The following RBFOX1 variants were observed in gnomAD, a reference collection of about 807,000 sequenced individuals.
RBFOX1 encodes the protein RNA binding fox-1 homolog 1, also known as RNA binding protein fox-1 homolog 1.
In RBFOX1, 8 loss-of-function variants were observed where a neutral mutation model predicts 57.7. The observed-to-expected ratio is 0.14, with a 90% confidence interval of 0.08 to 0.25. The LOEUF is 0.25. Ranked by LOEUF, RBFOX1 falls within the 10% of genes least tolerant of loss-of-function variation. The probability of loss-of-function intolerance (pLI) is 1.00; values close to 1 mark genes in which losing one functional copy is unlikely to be tolerated. For synonymous variants in RBFOX1, 326 were observed against 222.4 expected, an observed-to-expected ratio of 1.47 and a Z score of -4.15; for missense variants, 611 against 548.5, an observed-to-expected ratio of 1.11 and a Z score of -1.14.
intron 2 of RBFOX1, among the ~76,000 whole-genome samples, chr16:6,329,544 G>A (rs370554002): frequency 1.4e-4 from 22 of 152,182 alleles, no homozygotes; most frequent in East Asian, 1.2e-3. Context: ...TAGTGACAAA[G>A]GCGATTGTCT....
chr16:6,528,752 C>A (rs1194490071), intron 2 of RBFOX1, among the ~76,000 whole-genome samples: 3 of 152,118 alleles, frequency 2.0e-5, no homozygotes, highest in East Asian at 1.9e-4. Context: ...GGGAGCTGTC[C>A]TGTACACTCT....
At chr16:6,158,651 T>C (rs2096855614) in intron 1 of RBFOX1, among the ~76,000 whole-genome samples, 2 of 152,212 alleles carry the variant, frequency 1.3e-5, no homozygotes, top group Admixed American at 1.3e-4. Context: ...GCATTGCGGA[T>C]GACAGAGAAA....
At chr16:5,263,579 C>A (rs577431543) in intron 1 of RBFOX1, among the ~76,000 whole-genome samples, 2 of 152,068 alleles carry the variant, frequency 1.3e-5, no homozygotes, top group East Asian at 1.9e-4. Context: ...CATGGGAGTT[C>A]CAAGGGAATG....
chr16:5,662,536 C>G (rs781624782), intron 3 of RBFOX1, among the ~76,000 whole-genome samples: 1 of 152,022 alleles, frequency 6.6e-6, no homozygotes, highest in Non-Finnish European at 1.5e-5. Flanking sequence ...GTAGATCTCC[C>G]TGAAAGAGTT....
At chr16:5,564,422 C>T (rs535637228) in intron 2 of RBFOX1, among the ~76,000 whole-genome samples, 37 of 152,266 alleles carry the variant, frequency 2.4e-4, no homozygotes, top group African/African-American at 7.9e-4. Flanking sequence ...TGAATTTGTC[C>T]TTCTACCGTC....
At chr16:6,952,462 C>A (rs963655264) in intron 3 of RBFOX1, among the ~76,000 whole-genome samples, 1 of 152,032 alleles carries the variant, frequency 6.6e-6, no homozygotes, top group African/African-American at 2.4e-5. Context: ...GCCTGGGCCA[C>A]GTATTAAGAC....
At chr16:6,528,497 C>G (rs977897359) in intron 2 of RBFOX1, among the ~76,000 whole-genome samples, 5 of 152,218 alleles carry the variant, frequency 3.3e-5, no homozygotes, top group Non-Finnish European at 7.3e-5. Context: ...GCAACAGGAG[C>G]AAATGGTGAA....
Position 6,070,089 on chromosome 16 carries a change from A to C in RBFOX1, c.-127+50097A>C, listed in dbSNP as rs2095817479. On this transcript the variant is annotated intron_variant, in intron 1 of 15. Transcript: ENST00000550418. ...ATAGAATGGTTTTGTTTTTCTTTAA[A>C]TTCTATTGTTTTAGAAAACTATACA... Among the ~76,000 whole-genome samples the C allele has an allele frequency of 2.0e-5, 3 of 152,332 alleles. No individual in the cohort carries two copies. The South Asian group carries it at 6.2e-4, about 32-fold the overall frequency.
chr16:5,765,007 A>G lies in RBFOX1; in HGVS notation c.319-102296A>G, dbSNP rs558924343. Among the ~76,000 whole-genome samples the G allele has an allele frequency of 2.0e-5, 3 of 152,274 alleles. No homozygotes were observed. In the South Asian group the frequency reaches 6.2e-4, roughly 32 times the overall value. On this transcript the variant is annotated intron_variant, in intron 3 of 19. Transcript: ENST00000641259. ...CTGCAGGTGCTAGACCAAGTCTCGC[A>G]GGGTACCTGATACTGTGTTTTATGA...
chr16:6,688,507 G>A lies in RBFOX1; in HGVS notation c.-16+33857G>A, dbSNP rs144545686. On this transcript the variant is annotated intron_variant, in intron 3 of 15. Coordinates refer to ENST00000550418, the MANE Select transcript of RBFOX1 (RefSeq NM_018723.4). Reference sequence around the variant, plus strand: ...TTTTCATTTTCTCCATATAAGAAGTGAGGAGAGAGAGGTTGAGCAAAGTAA... The same window carrying A: ...TTTTCATTTTCTCCATATAAGAAGTAAGGAGAGAGAGGTTGAGCAAAGTAA... Among the ~76,000 whole-genome samples the A allele has an allele frequency of 6.0e-3, 913 of 152,272 alleles. 13 individuals are homozygous for A. The highest frequency in any genetic ancestry group is 0.021 in the African/African-American group (877 of 41,548).
At chr16:6,959,274 G>T (rs117723630) in intron 3 of RBFOX1, among the ~76,000 whole-genome samples, 4,273 of 152,248 alleles carry the variant, frequency 0.028, 87 homozygotes, top group Non-Finnish European at 0.037. Context: ...CCATGTTTAT[G>T]TGGAGGGAGC....
At chr16:7,461,148 T>C (rs61080656) in intron 4 of RBFOX1, among the ~76,000 whole-genome samples, 7,646 of 152,022 alleles carry the variant, frequency 0.05, 635 homozygotes, top group African/African-American at 0.18. Context: ...AAGAATTGAC[T>C]GAGGATGAAA....
At chr16:5,840,320 G>C (rs140698383) in intron 3 of RBFOX1, among the ~76,000 whole-genome samples, 153 of 152,292 alleles carry the variant, frequency 1.0e-3, no homozygotes, top group African/African-American at 3.5e-3. Context: ...GAATCACACA[G>C]CTCTTCTGAA....
At chr16:7,412,378 G>A (rs1315528927) in intron 4 of RBFOX1, among the ~76,000 whole-genome samples, 5 of 144,536 alleles carry the variant, frequency 3.5e-5, no homozygotes, top group African/African-American at 1.3e-4. Flanking sequence ...TCGCACCAGT[G>A]CACTCCAGGC....
chr16:5,508,121 T>C (rs1281193097), intron 2 of RBFOX1, among the ~76,000 whole-genome samples: 1 of 152,182 alleles, frequency 6.6e-6, no homozygotes, highest in East Asian at 1.9e-4. Context: ...GTATGCAAAC[T>C]TGGCAGCCTA....
chr16:7,210,033 A>T (rs369743352), intron 4 of RBFOX1, among the ~76,000 whole-genome samples: 2 of 152,200 alleles, frequency 1.3e-5, no homozygotes, highest in Non-Finnish European at 2.9e-5. Context: ...AAAACCAGGG[A>T]TAGCGACGCT....
At chr16:7,676,875 T>G in intron 14 of RBFOX1, 37 bp downstream of exon 14, 1 of 1,554,388 alleles carries the variant, frequency 6.4e-7, no homozygotes, top group South Asian at 1.1e-5. Flanking sequence ...CAACTACTTG[T>G]AAATTAACTT....
chr16:7,666,690 G>A (rs2069413910), intron 13 of RBFOX1, among the ~76,000 whole-genome samples: 1 of 152,324 alleles, frequency 6.6e-6, no homozygotes, highest in African/African-American at 2.4e-5. Context: ...CGCTGCATCA[G>A]AGAATCCACA....
intron 10 of RBFOX1, among the ~76,000 whole-genome samples, chr16:7,630,126 G>A (rs997947916): frequency 3.3e-5 from 5 of 151,716 alleles, no homozygotes; most frequent in Admixed American, 6.6e-5. Flanking sequence ...CCCTGGGTAC[G>A]TCTCCAGTCA....
Sources: allele counts gnomAD v4.1 joint callset (sites outside exome capture counted in the v4.1 genomes callset), GRCh38; gene constraint gnomAD v4.1.1; transcripts MANE v1.5; gene names NCBI Gene and HGNC (gene_info 2026-07-23, HGNC 2026-07-21).